Variants in NOS1 observed in about 807,000 individuals in gnomAD.
NOS1 encodes the protein NOS type I.
NOS1 carries 51 observed loss-of-function variants against 164.5 expected under a neutral mutation model. The observed-to-expected ratio is 0.31, with a 90% CI of 0.25 to 0.39. The LOEUF (loss-of-function observed/expected upper bound fraction) is 0.39, where lower values mean the gene tolerates loss of function less well. Ranked by LOEUF, NOS1 falls within the 10% of genes least tolerant of loss-of-function variation. The pLI is 1.00. For missense variants in NOS1, 1,362 were observed against 1,885.6 expected, an observed-to-expected ratio of 0.72 and a Z score of 5.14; for synonymous variants, 719 against 745.8, an observed-to-expected ratio of 0.96 and a Z score of 0.59.
intron 2 of NOS1, among the ~76,000 whole-genome samples, chr12:117,321,124 C>G (rs2136064367): frequency 6.6e-6 from 1 of 152,328 alleles, no homozygotes; most frequent in Middle Eastern, 3.4e-3. Flanking sequence ...ATTCTCCTGC[C>G]TCAGCCTCCT....
chr12:117,209,931 G>A lies in NOS1; in HGVS notation c.*5378C>T. ...CCTGGGAGGCAGGCCCCTTCCCTCA[G>A]ACCCTCAGACCTGTGTTTCCTTAAT... On this transcript the variant is annotated 3_prime_UTR_variant, in exon 29 of 29. Coordinates refer to ENST00000317775, the MANE Select transcript of NOS1 (RefSeq NM_000620.5). 1.0e-5 allele frequency: 10 copies of A among 985,474 alleles called. No individual in the cohort carries two copies. The highest frequency in any genetic ancestry group is 1.2e-5 in the Non-Finnish European group (10 of 829,974). 61.0% of individuals were successfully genotyped at this position (985,474 alleles called of 1,614,324 possible).
At chr12:117,336,544 T>G (rs756570458) in intron 1 of NOS1, among the ~76,000 whole-genome samples, 1 of 152,088 alleles carries the variant, frequency 6.6e-6, no homozygotes, top group Non-Finnish European at 1.5e-5. Flanking sequence ...AAGACTAGTA[T>G]GAGAGGTGAT....
intron 7 of NOS1, among the ~76,000 whole-genome samples, chr12:117,281,557 C>T (rs11068433): frequency 0.015 from 2,200 of 142,544 alleles, 58 homozygotes; most frequent in African/African-American, 0.054. Flanking sequence ...CACTACAGGC[C>T]AGGCATGGTG....
intron 13 of NOS1, among the ~76,000 whole-genome samples, chr12:117,262,797 G>T (rs138071095): frequency 1.1e-4 from 17 of 152,122 alleles, no homozygotes; most frequent in Admixed American, 4.6e-4. Flanking sequence ...TGGCATCCCC[G>T]TTAAATCAAC....
intron 1 of NOS1, among the ~76,000 whole-genome samples, chr12:117,346,169 G>A (rs1200236439): frequency 6.6e-6 from 1 of 152,136 alleles, no homozygotes; most frequent in African/African-American, 2.4e-5. Context: ...CAGACACTTG[G>A]TTAACAAAAC....
rs544582181 is a variant in NOS1 at position 117,213,681 on chromosome 12, A to T, written c.*1628T>A. On this transcript the variant is annotated 3_prime_UTR_variant, in exon 29 of 29. Coordinates refer to ENST00000317775, the MANE Select transcript of NOS1 (RefSeq NM_000620.5). The stretch of plus-strand genomic sequence containing the variant: ...AACAAGATATGCCCACGTACAGTAT[A>T]TAAAAGAAATGTGGTTTTTCTGTAT... 1,723 of 985,346 alleles carry T rather than the reference A, an allele frequency of 1.7e-3. 4 individuals carry two copies. Among genetic ancestry groups the T allele is most frequent in the Non-Finnish European group, 2.0e-3 (1,684 of 829,944 alleles). The allele number at this position is 985,346 out of a possible 1,614,324, so 61.0% of individuals were successfully genotyped here.
chr12:117,307,555 C>G (rs781541302), intron 3 of NOS1, among the ~76,000 whole-genome samples: 1 of 151,894 alleles, frequency 6.6e-6, no homozygotes, highest in African/African-American at 2.4e-5. Flanking sequence ...TTTGTAGAGA[C>G]GGGGTTTTGC....
rs376880031 is a variant in NOS1 at position 117,358,710 on chromosome 12, T to C, written c.-421+2802A>G. On this transcript the variant is annotated intron_variant, in intron 1 of 28. Transcript: ENST00000317775. ...CACACAGCCATGGAGTGAGCTAAGC[T>C]TGGCCTCAAGCTGAGGTCTTCACCA... is the stretch of plus-strand genomic sequence containing the variant. Among the ~76,000 whole-genome samples, 21 of 152,328 alleles carry C rather than the reference T, an allele frequency of 1.4e-4. No homozygotes were observed. In the East Asian group the frequency reaches 3.7e-3, roughly 27 times the overall value.
At chr12:117,358,400 C>T (rs1303050168) in intron 1 of NOS1, among the ~76,000 whole-genome samples, 1 of 152,180 alleles carries the variant, frequency 6.6e-6, no homozygotes, top group South Asian at 2.1e-4. Context: ...TGGCTTTGGC[C>T]ATTTGGGAAA....
chr12:117,359,378 G>A (rs75777658), intron 1 of NOS1, among the ~76,000 whole-genome samples: 1 of 152,134 alleles, frequency 6.6e-6, no homozygotes, highest in Non-Finnish European at 1.5e-5. Flanking sequence ...AATAACGGGG[G>A]AAAAAATCTA....
chr12:117,290,208 A>T (rs918282165), intron 4 of NOS1, 90 bp downstream of exon 4: 7 of 1,494,524 alleles, frequency 4.7e-6, no homozygotes, highest in Non-Finnish European at 5.5e-6. Flanking sequence ...ACAACAGAGG[A>T]CAGCCCCCAC....
At chr12:117,353,209 TTATC>T (rs548480149) in intron 1 of NOS1, among the ~76,000 whole-genome samples, 17 of 152,244 alleles carry the variant, frequency 1.1e-4, no homozygotes, top group African/African-American at 3.6e-4. Flanking sequence ...CTATCATCTG[TTATC>T]TATCTATTCA....
Position 117,356,624 on chromosome 12 carries a change from A to C in NOS1, c.-421+4888T>G, listed in dbSNP as rs1194155419. On this transcript the variant is annotated intron_variant, in intron 1 of 28. Transcript: ENST00000317775. This position sits in a 1 kb window ranked among gnomAD's most constrained non-coding sequence, Gnocchi z 4.2. ...GCCTTGCCATTTAACACGTGTCATG[A>C]CACATACAATAAATGTGCTGACGTC... Among the ~76,000 whole-genome samples, 3 of 152,184 alleles carry C rather than the reference A, an allele frequency of 2.0e-5. No individual in the cohort carries two copies. The highest frequency in any genetic ancestry group is 2.9e-5 in the Non-Finnish European group (2 of 68,038).
Position 117,248,055 on chromosome 12 carries a change from C to G in NOS1, c.2649-533G>C, listed in dbSNP as rs1221072889. Among the ~76,000 whole-genome samples, 4 of 151,572 alleles carry G rather than the reference C, an allele frequency of 2.6e-5. No individual in the cohort carries two copies. The East Asian group carries it at 5.8e-4, about 22-fold the overall frequency. On this transcript the variant is annotated intron_variant, in intron 17 of 28. Transcript: ENST00000317775. ...CTCTCTCCCTCTTTCCTTTCTCTTT[C>G]TCTCTCTGGACATAGCAAGAAGGTG...
intron 1 of NOS1, among the ~76,000 whole-genome samples, chr12:117,350,974 C>A (rs1319759578): frequency 6.6e-6 from 1 of 152,126 alleles, no homozygotes; most frequent in Non-Finnish European, 1.5e-5. Flanking sequence ...ATTAGCCGGG[C>A]CTGTTGGCGG....
chr12:117,247,198 C>T (rs1477985401), intron 18 of NOS1, 150 bp downstream of exon 18: 13 of 547,300 alleles, frequency 2.4e-5, no homozygotes, highest in Non-Finnish European at 3.4e-5. Flanking sequence ...CCAAATTTGT[C>T]TGAGCTGTTT....
intron 13 of NOS1, 68 bp downstream of exon 13, chr12:117,263,821 G>T: frequency 8.2e-7 from 1 of 1,226,552 alleles, no homozygotes; most frequent in Non-Finnish European, 1.2e-6. Context: ...AGTCTGCCCA[G>T]CCTCCTTCTC....
At chr12:117,339,399 A>G (rs146343080) in intron 1 of NOS1, among the ~76,000 whole-genome samples, 1 of 152,364 alleles carries the variant, frequency 6.6e-6, no homozygotes, top group East Asian at 1.9e-4. Flanking sequence ...CTCTGTTGTC[A>G]AGGCTTTGGG....
chr12:117,222,741 A>T lies in NOS1; in HGVS notation c.3949T>A (p.Tyr1317Asn). ...TTTGGTTTGTCTGGCTCCCGGGAGT[A>T]AGCCGTGTACAGCTCTCTGAAGACC... is the stretch of plus-strand genomic sequence containing the variant. ...KGVFRELYTA[Y>N]SREPDKPKKY... The change falls in exon 26 of 29, where the codon TAC becomes AAC. Residue 1317 changes from tyrosine (Y) to asparagine (N), a missense_variant. Physicochemically the swap from Tyr to Asn is moderately radical, Grantham distance 143. This residue lies in a region of NOS1 where 737 missense variants were observed against 1,030.3 expected (regional missense o/e 0.72). Transcript: ENST00000317775. The T allele has an allele frequency of 6.2e-7, 1 of 1,613,670 alleles. No individual in the cohort carries two copies. Among genetic ancestry groups the T allele is most frequent in the Non-Finnish European group, 8.5e-7 (1 of 1,179,890 alleles).
Sources: gnomAD v4.1 joint callset for allele counts (sites outside exome capture counted in the v4.1 genomes callset) on GRCh38, gnomAD v4.1.1 for gene constraint, gnomAD v4.1.1 regional missense constraint, Gnocchi (gnomAD v3.1) non-coding constraint, MANE v1.5 for transcripts, NCBI Gene and HGNC (gene_info 2026-07-23, HGNC 2026-07-21) for gene names.